The following UBE2H variants were observed in gnomAD, a reference collection of about 807,000 sequenced individuals.
UBE2H encodes ubiquitin conjugating enzyme E2 H, also known as ubiquitin-conjugating enzyme E2 H.
Under a neutral mutation model 29.0 loss-of-function variants are expected in UBE2H, and 3 were observed. That is an observed-to-expected ratio of 0.10 (90% CI 0.05 to 0.27). The LOEUF is 0.27. Ranked by LOEUF, UBE2H falls within the 10% of genes least tolerant of loss-of-function variation. The probability of loss-of-function intolerance (pLI) is 1.00; values close to 1 mark genes in which losing one functional copy is unlikely to be tolerated. For missense variants in UBE2H, 68 were observed against 228.2 expected, an observed-to-expected ratio of 0.30 and a Z score of 4.52; for synonymous variants, 69 against 82.9, an observed-to-expected ratio of 0.83 and a Z score of 0.91.
At chr7:129,936,238 A>C (rs1446858245) in intron 1 of UBE2H, among the ~76,000 whole-genome samples, 3 of 152,216 alleles carry the variant, frequency 2.0e-5, no homozygotes, top group Non-Finnish European at 2.9e-5. Flanking sequence ...AATTCATTCA[A>C]GTGAGTAATA....
intron 1 of UBE2H, among the ~76,000 whole-genome samples, chr7:129,928,019 C>CA: frequency 8.8e-6 from 1 of 114,044 alleles, no homozygotes; most frequent in Non-Finnish European, 1.9e-5. Flanking sequence ...AATACCATCT[C>CA]AAAATTAAAA....
At chr7:129,894,029 C>A (rs1806551892) in intron 1 of UBE2H, among the ~76,000 whole-genome samples, 1 of 152,324 alleles carries the variant, frequency 6.6e-6, no homozygotes, top group Non-Finnish European at 1.5e-5. Flanking sequence ...GAGGCACACA[C>A]CTATAATCCC....
intron 5 of UBE2H, among the ~76,000 whole-genome samples, chr7:129,854,288 C>T (rs893562906): frequency 6.6e-6 from 1 of 152,108 alleles, no homozygotes; most frequent in African/African-American, 2.4e-5. Context: ...CGAACATATT[C>T]TACCAGTACT....
chr7:129,900,751 CTTTT>C (rs71704122), intron 1 of UBE2H, among the ~76,000 whole-genome samples: 3 of 133,822 alleles, frequency 2.2e-5, no homozygotes, highest in Non-Finnish European at 4.8e-5. Context: ...TTTCTTTTTC[CTTTT>C]TTTTTTTTTT....
chr7:129,869,000 G>A (rs1452511552), intron 3 of UBE2H, among the ~76,000 whole-genome samples: 3 of 149,860 alleles, frequency 2.0e-5, no homozygotes, highest in Non-Finnish European at 4.4e-5. Context: ...GCAATGGCGC[G>A]ATCTCGGCTC....
intron 3 of UBE2H, among the ~76,000 whole-genome samples, chr7:129,859,866 T>A (rs1805768206): frequency 6.6e-6 from 1 of 152,012 alleles, no homozygotes. Flanking sequence ...CCATCCTCCA[T>A]CACCCCCATC....
At chr7:129,865,992 A>G (rs3807121) in intron 3 of UBE2H, among the ~76,000 whole-genome samples, 46,077 of 152,004 alleles carry the variant, frequency 0.3, 7,142 homozygotes, top group Admixed American at 0.34. Context: ...TTGGCCAGCT[A>G]TGTGCAGGAG....
chr7:129,836,078 T>C (rs1231402681), intron 6 of UBE2H, among the ~76,000 whole-genome samples: 1 of 152,210 alleles, frequency 6.6e-6, no homozygotes, highest in African/African-American at 2.4e-5. Flanking sequence ...ACTTGAGACT[T>C]AGAGCCCTTC....
intron 1 of UBE2H, among the ~76,000 whole-genome samples, chr7:129,907,209 G>A (rs1032072367): frequency 2.0e-5 from 3 of 151,882 alleles, no homozygotes; most frequent in African/African-American, 7.3e-5. Context: ...AACTTTGTTG[G>A]GTAAGATCAA....
intron 1 of UBE2H, among the ~76,000 whole-genome samples, chr7:129,924,616 T>TCACACACA (rs147228151): frequency 0.065 from 9,379 of 143,860 alleles, 299 homozygotes; most frequent in Non-Finnish European, 0.073. Context: ...CCTTTTACAT[T>TCACACACA]CACACACACA....
At chr7:129,883,355 C>T (rs1405349910) in intron 1 of UBE2H, among the ~76,000 whole-genome samples, 3 of 152,098 alleles carry the variant, frequency 2.0e-5, no homozygotes, top group Non-Finnish European at 4.4e-5. Context: ...ATATGCATAC[C>T]CTATGCCTGT....
intron 1 of UBE2H, among the ~76,000 whole-genome samples, chr7:129,947,566 A>G (rs1396969944): frequency 6.6e-6 from 1 of 152,246 alleles, no homozygotes; most frequent in Non-Finnish European, 1.5e-5. Context: ...AAATGGCTAC[A>G]TATTTTAATA....
Position 129,914,954 on chromosome 7 carries a change from C to G in UBE2H, c.54-33983G>C, listed in dbSNP as rs546989577. ...AGTGCTAAAAAACACAATGTCCGGCCCAGGATGCGCTCAAATGTCAGCTGT... is the reference window on the plus strand; with the variant it reads ...AGTGCTAAAAAACACAATGTCCGGCGCAGGATGCGCTCAAATGTCAGCTGT... On this transcript the variant is annotated intron_variant, in intron 1 of 6. Transcript: ENST00000355621. Among the ~76,000 whole-genome samples the G allele has an allele frequency of 2.7e-3, 404 of 152,168 alleles. 1 individual carries two copies. Among genetic ancestry groups the G allele is most frequent in the Middle Eastern group, 0.01 (3 of 292 alleles).
At chr7:129,874,322 T>C (rs1231389880) in intron 3 of UBE2H, among the ~76,000 whole-genome samples, 1 of 149,668 alleles carries the variant, frequency 6.7e-6, no homozygotes, top group African/African-American at 2.4e-5. Context: ...TTTTTTTTTT[T>C]TTTTTGAGAC....
intron 5 of UBE2H, among the ~76,000 whole-genome samples, chr7:129,854,606 A>C (rs1243745320): frequency 6.6e-6 from 1 of 152,242 alleles, no homozygotes; most frequent in African/African-American, 2.4e-5. Context: ...TAAGTACACT[A>C]ACATTTTATA....
intron 1 of UBE2H, among the ~76,000 whole-genome samples, chr7:129,940,925 G>A (rs539076378): frequency 6.6e-6 from 1 of 152,254 alleles, no homozygotes; most frequent in African/African-American, 2.4e-5. Flanking sequence ...CAATGCACTC[G>A]AATTACACTT....
intron 1 of UBE2H, among the ~76,000 whole-genome samples, chr7:129,935,815 T>C (rs988680084): frequency 1.3e-5 from 2 of 152,186 alleles, no homozygotes; most frequent in Non-Finnish European, 2.9e-5. Flanking sequence ...CCTCTCAACT[T>C]TCATCTGTTT....
At chr7:129,890,829 A>T (rs933569585) in intron 1 of UBE2H, among the ~76,000 whole-genome samples, 2 of 152,096 alleles carry the variant, frequency 1.3e-5, no homozygotes, top group African/African-American at 4.8e-5. Flanking sequence ...TGGAAAACTC[A>T]TGACTTAAAG....
chr7:129,931,973 G>A (rs1277954210), intron 1 of UBE2H, among the ~76,000 whole-genome samples: 4 of 151,236 alleles, frequency 2.6e-5, no homozygotes, highest in East Asian at 1.9e-4. Context: ...ACAAGCGCCC[G>A]CCACCACACC....
Sources: allele counts gnomAD v4.1 joint callset (sites outside exome capture counted in the v4.1 genomes callset), GRCh38; gene constraint gnomAD v4.1.1; transcripts MANE v1.5; gene names NCBI Gene and HGNC (gene_info 2026-07-23, HGNC 2026-07-21).